Variants in ZNF831 observed in about 807,000 individuals in gnomAD.
ZNF831 encodes zinc finger protein 831.
A neutral mutation model predicts 95.8 loss-of-function variants in ZNF831; 59 were observed. The ratio of observed to expected loss-of-function variants is 0.62; its 90% CI spans 0.50 to 0.77. The LOEUF (loss-of-function observed/expected upper bound fraction) is 0.77. Ranked by LOEUF, ZNF831 falls within the 30% of genes least tolerant of loss-of-function variation. The pLI is 0.00. For synonymous variants in ZNF831, 961 were observed against 925.5 expected (o/e 1.04, Z -0.70); for missense variants, 2,205 against 2,164.0 (o/e 1.02, Z -0.38).
upstream of ZNF831, among the ~76,000 whole-genome samples, chr20:59,162,932 A>G (rs550028449): frequency 6.6e-6 from 1 of 151,620 alleles, no homozygotes; most frequent in Admixed American, 6.6e-5. Context: ...GGAGTGTTTT[A>G]TCATTTGTTT....
At chr20:59,229,077 C>A (rs1986587401) in intron 4 of ZNF831, among the ~76,000 whole-genome samples, 1 of 152,182 alleles carries the variant, frequency 6.6e-6, no homozygotes, top group African/African-American at 2.4e-5. Context: ...CTGTGCCTGA[C>A]TTATTTCACT....
chr20:59,218,425 A>T (rs1985849862), intron 4 of ZNF831, among the ~76,000 whole-genome samples: 2 of 152,178 alleles, frequency 1.3e-5, no homozygotes, highest in African/African-American at 4.8e-5. Flanking sequence ...GGCTTGATTC[A>T]AATTGGCTTA....
At chr20:59,163,115 G>C (rs1026619360), upstream of ZNF831, among the ~76,000 whole-genome samples, 11 of 151,304 alleles carry the variant, frequency 7.3e-5, no homozygotes, top group Non-Finnish European at 8.8e-5. Context: ...CTGGTGTATA[G>C]AAATGCTACT....
intron 1 of ZNF831, among the ~76,000 whole-genome samples, chr20:59,170,691 C>A (rs1568737006): frequency 6.6e-6 from 1 of 152,108 alleles, no homozygotes. Flanking sequence ...CTCCATGTGG[C>A]ACCCTAGGAT....
At chr20:59,126,933 T>TCC (rs1979190736) in intron 1 of ZNF831, among the ~76,000 whole-genome samples, 1 of 152,176 alleles carries the variant, frequency 6.6e-6, no homozygotes, top group Non-Finnish European at 1.5e-5. Flanking sequence ...AGTGTGGCTT[T>TCC]GAGCGCCTGT....
At chr20:59,206,177 A>T (rs1984880303) in intron 3 of ZNF831, among the ~76,000 whole-genome samples, 1 of 152,232 alleles carries the variant, frequency 6.6e-6, no homozygotes, top group South Asian at 2.1e-4. Flanking sequence ...AATGTTGTCC[A>T]ATATGGTGGT....
chr20:59,169,265 A>G lies in ZNF831; in HGVS notation c.-37+5058A>G, dbSNP rs1015479692. Among the ~76,000 whole-genome samples the G allele has an allele frequency of 6.6e-6, 1 of 152,230 alleles. No homozygotes were observed. Among genetic ancestry groups the G allele is most frequent in the Non-Finnish European group, 1.5e-5 (1 of 68,042 alleles). ...TGATTCAAATGATCTGTTTCCCATT[A>G]GGTGGATCATGGTAGTTTGCGCTTT... On this transcript the variant is annotated intron_variant, in intron 1 of 5. Transcript: ENST00000371030. This position sits in a 1 kb window ranked among gnomAD's most constrained non-coding sequence, Gnocchi z 4.1.
chr20:59,138,259 G>C (rs8116295), intron 1 of ZNF831, among the ~76,000 whole-genome samples: 3 of 152,076 alleles, frequency 2.0e-5, no homozygotes, highest in Admixed American at 6.5e-5. Flanking sequence ...GTCTGCAGGC[G>C]TTTGAGGTCA....
intron 1 of ZNF831, among the ~76,000 whole-genome samples, chr20:59,185,796 C>G (rs1982978104): frequency 6.6e-6 from 1 of 152,182 alleles, no homozygotes. Context: ...CTTCCGTGAC[C>G]TCCCCACCCA....
chr20:59,211,376 T>C (rs1985319248), intron 4 of ZNF831, among the ~76,000 whole-genome samples: 1 of 152,164 alleles, frequency 6.6e-6, no homozygotes, highest in Non-Finnish European at 1.5e-5. Context: ...CAGGATGTGG[T>C]AGAAGCCCTA....
intron 1 of ZNF831, among the ~76,000 whole-genome samples, chr20:59,171,790 C>A (rs1274555845): frequency 6.6e-6 from 1 of 152,186 alleles, no homozygotes; most frequent in Admixed American, 6.5e-5. Context: ...TATAATTGAT[C>A]ATGAAGTTGT....
intron 1 of ZNF831, among the ~76,000 whole-genome samples, chr20:59,178,719 T>C (rs1404093028): frequency 6.6e-6 from 1 of 152,224 alleles, no homozygotes. Context: ...AGAAAAAACA[T>C]GTATTTATTG....
chr20:59,229,234 A>G (rs1402934182), intron 4 of ZNF831, among the ~76,000 whole-genome samples: 1 of 152,192 alleles, frequency 6.6e-6, no homozygotes, highest in Non-Finnish European at 1.5e-5. Context: ...TTGATTCCAC[A>G]TCTTGGCTGT....
intron 4 of ZNF831, among the ~76,000 whole-genome samples, chr20:59,219,099 TC>T (rs1985903375): frequency 6.6e-6 from 1 of 152,100 alleles, no homozygotes; most frequent in Non-Finnish European, 1.5e-5. Flanking sequence ...ACAGCAGATG[TC>T]CCCTCTTCCT....
At chr20:59,171,855 T>C (rs1368971852) in intron 1 of ZNF831, among the ~76,000 whole-genome samples, 1 of 152,218 alleles carries the variant, frequency 6.6e-6, no homozygotes, top group African/African-American at 2.4e-5. Context: ...TTCCTTGACC[T>C]CAGCTGCCCT....
intron 1 of ZNF831, among the ~76,000 whole-genome samples, chr20:59,142,397 C>T (rs1979710673): frequency 6.6e-6 from 1 of 152,204 alleles, no homozygotes; most frequent in Non-Finnish European, 1.5e-5. Context: ...AGGTCCTGAA[C>T]AGCCTTCTTT....
At chr20:59,180,567 C>T (rs1982539772) in intron 1 of ZNF831, among the ~76,000 whole-genome samples, 1 of 152,082 alleles carries the variant, frequency 6.6e-6, no homozygotes, top group Admixed American at 6.5e-5. Flanking sequence ...ATGTTCCCCT[C>T]CCTGTGTACA....
At chr20:59,161,907 T>A (rs1980894290), upstream of ZNF831, among the ~76,000 whole-genome samples, 1 of 152,202 alleles carries the variant, frequency 6.6e-6, no homozygotes, top group Non-Finnish European at 1.5e-5. Context: ...CTTTTTTTTC[T>A]GCAACCTCAC....
chr20:59,233,617 C>T (rs1217545334), intron 4 of ZNF831, among the ~76,000 whole-genome samples: 1 of 152,164 alleles, frequency 6.6e-6, no homozygotes, highest in African/African-American at 2.4e-5. Context: ...AACAAGTGGC[C>T]ATCCAACCTC....
Sources: allele counts gnomAD v4.1 joint callset (sites outside exome capture counted in the v4.1 genomes callset), GRCh38; gene constraint gnomAD v4.1.1; non-coding constraint Gnocchi (gnomAD v3.1); transcripts MANE v1.5; gene names NCBI Gene and HGNC (gene_info 2026-07-23, HGNC 2026-07-21).